The following CDH23 variants were observed in gnomAD, a reference collection of about 807,000 sequenced individuals.
The protein encoded by CDH23 is cadherin-23.
A neutral mutation model predicts 317.1 loss-of-function variants in CDH23; 189 were observed. The observed-to-expected ratio is 0.60, with a 90% CI of 0.53 to 0.67. The LOEUF is 0.67. CDH23 is among the 30% of genes least tolerant of loss of function. The pLI, the probability that CDH23 is intolerant of heterozygous loss-of-function variation, is 0.00. For missense variants in CDH23, 4,401 were observed against 4,592.4 expected, an observed-to-expected ratio of 0.96 and a Z score of 1.20; for synonymous variants, 1,839 against 1,876.8, an observed-to-expected ratio of 0.98 and a Z score of 0.52.
chr10:71,814,447 A>G (rs754413427), intron 69 of CDH23, among the ~76,000 whole-genome samples: 3 of 152,202 alleles, frequency 2.0e-5, no homozygotes, highest in Non-Finnish European at 4.4e-5. Context: ...GGTGGCTCAC[A>G]CTTGTAATCC....
chr10:71,807,451 G>A (rs780928186), intron 58 of CDH23, 45 bp downstream of exon 58: 20 of 1,612,812 alleles, frequency 1.2e-5, no homozygotes, highest in Non-Finnish European at 1.6e-5. Context: ...TGGGGCTAGA[G>A]ATGACCCACA....
chr10:71,715,073 C>G (rs1866148676), intron 28 of CDH23: 1 of 152,252 alleles, frequency 6.6e-6, no homozygotes, highest in African/African-American at 2.4e-5. Context: ...TCCAGACCAT[C>G]CCACCCTCGG....
intron 6 of CDH23, among the ~76,000 whole-genome samples, chr10:71,564,886 T>C (rs1857313826): frequency 1.3e-5 from 2 of 152,228 alleles, no homozygotes; most frequent in African/African-American, 4.8e-5. Context: ...AATGTTGAAT[T>C]AAAAAGCAAG....
Position 71,491,646 on chromosome 10 carries a change from A to T in CDH23, c.146-18436A>T, listed in dbSNP as rs16928956. On this transcript the variant is annotated intron_variant, in intron 3 of 69. Transcript: ENST00000224721. ...ACTTTAATCCTCTGAGGTTGTTGAG[A>T]TATTCAGTACAGTTTGTCAGAGGAT... 7.6e-3 allele frequency among the ~76,000 whole-genome samples: 1,158 copies of T among 152,272 alleles called. 14 individuals are homozygous for T. The highest frequency in any genetic ancestry group is 7.6e-3 in the Non-Finnish European group (517 of 68,020).
chr10:71,421,690 T>C (rs571120865), intron 1 of CDH23, among the ~76,000 whole-genome samples: 1 of 152,232 alleles, frequency 6.6e-6, no homozygotes, highest in African/African-American at 2.4e-5. Context: ...ATGTGAAATA[T>C]TTTTTCTTAA....
intron 6 of CDH23, among the ~76,000 whole-genome samples, chr10:71,520,100 G>C (rs148590737): frequency 6.6e-6 from 1 of 152,168 alleles, no homozygotes; most frequent in Non-Finnish European, 1.5e-5. Context: ...GAGCCCTCTC[G>C]CCTGACCTGA....
intron 7 of CDH23, among the ~76,000 whole-genome samples, chr10:71,569,755 C>G (rs1450780492): frequency 1.3e-5 from 2 of 152,084 alleles, no homozygotes; most frequent in Non-Finnish European, 2.9e-5. Flanking sequence ...AGTGAAGTGC[C>G]CGGTAGAGTG....
At chr10:71,542,320 T>G (rs988933421) in intron 6 of CDH23, among the ~76,000 whole-genome samples, 14 of 152,210 alleles carry the variant, frequency 9.2e-5, no homozygotes, top group African/African-American at 3.4e-4. Flanking sequence ...CTCCTTTTCC[T>G]CATATGGAGA....
At chr10:71,684,452 AGTGGAAAGAGGGGTGTGGCT>A (rs1240077073) in intron 18 of CDH23, among the ~76,000 whole-genome samples, 3 of 151,498 alleles carry the variant, frequency 2.0e-5, no homozygotes, top group Admixed American at 6.7e-5. Flanking sequence ...GGAGACACCA[AGTGGAAAGAGGGGTGTGGCT>A]GTGGAAAGAG....
intron 3 of CDH23, among the ~76,000 whole-genome samples, chr10:71,480,655 C>G (rs2394798): frequency 0.14 from 21,711 of 152,146 alleles, 1,689 homozygotes; most frequent in East Asian, 0.22. Flanking sequence ...ATGGCGTCCA[C>G]GACCTGTGAG....
At chr10:71,762,005 A>T (rs1032952373) in intron 38 of CDH23, 7 of 1,606,712 alleles carry the variant, frequency 4.4e-6, no homozygotes, top group Non-Finnish European at 5.1e-6. Context: ...CGGCGTGGCG[A>T]CCTTGAAGGC....
chr10:71,680,418 C>T (rs1864569603), intron 17 of CDH23, among the ~76,000 whole-genome samples: 1 of 152,140 alleles, frequency 6.6e-6, no homozygotes, highest in African/African-American at 2.4e-5. Flanking sequence ...TCCCACTACC[C>T]CACAGTTAGT....
At chr10:71,413,068 G>A (rs1848404649) in intron 1 of CDH23, among the ~76,000 whole-genome samples, 2 of 152,092 alleles carry the variant, frequency 1.3e-5, no homozygotes, top group South Asian at 2.1e-4. Context: ...ATCCAATATC[G>A]TGGTTTCCCC....
chr10:71,749,821 C>G (rs1278870806), intron 38 of CDH23: 1 of 152,356 alleles, frequency 6.6e-6, no homozygotes, highest in African/African-American at 2.4e-5. Flanking sequence ...CCCCAACCCC[C>G]CAAGCAATTG....
rs1589328569 is a variant in CDH23, at chr10:71,682,584, G to A, written c.1986+12G>A. 1 of 1,612,266 alleles carries A rather than the reference G, an allele frequency of 6.2e-7. No individual in the cohort carries two copies. The highest frequency in any genetic ancestry group is 2.2e-5 in the East Asian group (1 of 44,840). ...CCATCGAGGTGTTTGTAAGTACCCA[G>A]GGCCACTGGCCTTGCCCTGCTAGTG... On this transcript the variant is annotated intron_variant, in intron 18 of 69. Coordinates refer to ENST00000224721, the MANE Select transcript of CDH23 (RefSeq NM_022124.6).
intron 58 of CDH23, 40 bp downstream of exon 58, chr10:71,807,446 C>A (rs1161725298): frequency 6.2e-7 from 1 of 1,612,786 alleles, no homozygotes; most frequent in Non-Finnish European, 8.5e-7. Context: ...TACCCTGGGG[C>A]TAGAGATGAC....
At chr10:71,697,513 A>T (rs769357761) in intron 22 of CDH23, among the ~76,000 whole-genome samples, 4 of 151,908 alleles carry the variant, frequency 2.6e-5, no homozygotes, top group East Asian at 1.9e-4. Context: ...CCTTTATAAA[A>T]TTTTTTTTAA....
intron 12 of CDH23, chr10:71,645,587 G>A (rs1384659264): frequency 4.3e-6 from 3 of 700,820 alleles, no homozygotes; most frequent in African/African-American, 3.5e-5. Flanking sequence ...GGGACACTGT[G>A]GGCATCCGAC....
chr10:71,661,973 C>T lies in CDH23; in HGVS notation c.1450-13139C>T, dbSNP rs148429691. On this transcript the variant is annotated intron_variant, in intron 14 of 69. Transcript: ENST00000224721. ...CACACACAGAACCCAGCTGCACCAT[C>T]CCTGCACCATCACGGTGCAGCCCTG... Among the ~76,000 whole-genome samples the T allele has an allele frequency of 2.4e-3, 363 of 149,788 alleles. 1 individual carries two copies. Among genetic ancestry groups the T allele is most frequent in the Admixed American group, 6.9e-3 (104 of 15,042 alleles).
Sources: allele counts gnomAD v4.1 joint callset (sites outside exome capture counted in the v4.1 genomes callset), GRCh38; gene constraint gnomAD v4.1.1; transcripts MANE v1.5; gene names NCBI Gene and HGNC (gene_info 2026-07-23, HGNC 2026-07-21).